Variants in CERS3 observed in about 807,000 individuals in gnomAD.
CERS3 encodes the protein LAG1 homolog, ceramide synthase 3.
Under a neutral mutation model 50.3 loss-of-function variants are expected in CERS3, and 33 were observed. The ratio of observed to expected loss-of-function variants is 0.66; its 90% CI spans 0.50 to 0.88. The LOEUF is 0.88. Ranked by LOEUF, CERS3 falls within the 40% of genes least tolerant of loss-of-function variation. CERS3 has a pLI of 0.00. For synonymous variants in CERS3, 176 were observed against 155.2 expected (o/e 1.13, Z -0.99); for missense variants, 470 against 460.3 (o/e 1.02, Z -0.19).
intron 11 of CERS3, among the ~76,000 whole-genome samples, chr15:100,453,650 A>G (rs2034255238): frequency 6.6e-6 from 1 of 152,224 alleles, no homozygotes; most frequent in African/African-American, 2.4e-5. Context: ...TTAAAGTCAG[A>G]GCAATCAGGC....
chr15:100,406,876 T>G (rs959927218), intron 11 of CERS3, among the ~76,000 whole-genome samples: 17 of 152,182 alleles, frequency 1.1e-4, no homozygotes, highest in Non-Finnish European at 2.1e-4. Context: ...CTGGGAGGCC[T>G]CACAATCATG....
chr15:100,473,975 T>A (rs934031064), intron 8 of CERS3, among the ~76,000 whole-genome samples: 2 of 152,188 alleles, frequency 1.3e-5, no homozygotes, highest in Non-Finnish European at 2.9e-5. Context: ...TACTGATACA[T>A]GCCATAACAT....
intron 2 of CERS3, among the ~76,000 whole-genome samples, chr15:100,502,267 A>AAAAAAAAAAAAAAAAAAAAAG (rs2036033219): frequency 6.4e-5 from 7 of 109,258 alleles, no homozygotes; most frequent in African/African-American, 1.3e-4. Flanking sequence ...AAAAAAAAAA[A>AAAAAAAAAAAAAAAAAAAAAG]AAAGAAAGAA....
chr15:100,435,342 G>A (rs1442304160), intron 11 of CERS3, among the ~76,000 whole-genome samples: 1 of 152,182 alleles, frequency 6.6e-6, no homozygotes, highest in East Asian at 1.9e-4. Flanking sequence ...ACAGATGCCA[G>A]CAGCCAGAAC....
intron 8 of CERS3, among the ~76,000 whole-genome samples, chr15:100,474,751 A>G (rs2035073228): frequency 6.6e-6 from 1 of 152,212 alleles, no homozygotes; most frequent in African/African-American, 2.4e-5. Context: ...CACAACAAAC[A>G]GAGGAGATAG....
At chr15:100,435,576 G>A (rs2033361077) in intron 11 of CERS3, among the ~76,000 whole-genome samples, 2 of 152,188 alleles carry the variant, frequency 1.3e-5, no homozygotes, top group Non-Finnish European at 2.9e-5. Flanking sequence ...AAGACTTCAT[G>A]ACTAAAACAC....
chr15:100,540,055 T>C (rs1434963725), intron 1 of CERS3, among the ~76,000 whole-genome samples: 1 of 152,170 alleles, frequency 6.6e-6, no homozygotes, highest in Non-Finnish European at 1.5e-5. Context: ...TCTAGGATTA[T>C]CTATTTCCTA....
intron 2 of CERS3, among the ~76,000 whole-genome samples, chr15:100,502,267 AAAAG>A (rs1555532593): frequency 0.017 from 1,856 of 109,248 alleles, 36 homozygotes; most frequent in African/African-American, 0.056. Flanking sequence ...AAAAAAAAAA[AAAAG>A]AAAGAAAGAA....
chr15:100,420,700 C>T (rs1420620014), intron 11 of CERS3, among the ~76,000 whole-genome samples: 3 of 151,070 alleles, frequency 2.0e-5, no homozygotes, highest in South Asian at 2.1e-4. Flanking sequence ...ACTGGCAAAA[C>T]GAATCCAGCA....
chr15:100,440,784 G>A (rs888878510), intron 11 of CERS3, among the ~76,000 whole-genome samples: 6 of 152,126 alleles, frequency 3.9e-5, no homozygotes, highest in South Asian at 2.1e-4. Context: ...CTGTCTTCTC[G>A]AACCTCTCTC....
intron 4 of CERS3, among the ~76,000 whole-genome samples, chr15:100,487,800 A>G (rs1484848670): frequency 6.6e-6 from 1 of 152,220 alleles, no homozygotes; most frequent in African/African-American, 2.4e-5. Flanking sequence ...GTTTGAATCT[A>G]TGAATGACTC....
chr15:100,495,767 A>G (rs1286569690), intron 3 of CERS3, among the ~76,000 whole-genome samples: 2 of 152,204 alleles, frequency 1.3e-5, no homozygotes, highest in Non-Finnish European at 2.9e-5. Flanking sequence ...TTTCCTAAAA[A>G]GATAACTAGT....
intron 2 of CERS3, among the ~76,000 whole-genome samples, chr15:100,521,333 A>T (rs933422447): frequency 6.6e-6 from 1 of 152,208 alleles, no homozygotes; most frequent in Non-Finnish European, 1.5e-5. Context: ...TGCCCAGCAC[A>T]GCCAGCTCTT....
rs190405722 is a variant in CERS3, at chr15:100,465,195, G to A, written c.845+4183C>T. Among the ~76,000 whole-genome samples, 562 of 152,014 alleles carry A rather than the reference G, an allele frequency of 3.7e-3. 1 individual carries two copies. The highest frequency in any genetic ancestry group is 7.7e-3 in the South Asian group (37 of 4,806). ...CAGAGCAACTAGATTGCAAACTGCC[G>A]CCCACAGTGCCTCTAAAATGTCTGA... On this transcript the variant is annotated intron_variant, in intron 10 of 11. Coordinates refer to ENST00000679737, the MANE Select transcript of CERS3 (RefSeq NM_001378789.1).
At chr15:100,460,293 C>T (rs186790231) in intron 10 of CERS3, among the ~76,000 whole-genome samples, 31 of 152,280 alleles carry the variant, frequency 2.0e-4, no homozygotes, top group Non-Finnish European at 3.1e-4. Flanking sequence ...AGAGTACCTA[C>T]CTTATTTATT....
chr15:100,440,161 C>T (rs1337828531), intron 11 of CERS3, among the ~76,000 whole-genome samples: 1 of 152,186 alleles, frequency 6.6e-6, no homozygotes, highest in African/African-American at 2.4e-5. Flanking sequence ...TTCCTTCACA[C>T]CAACTACTGC....
At chr15:100,440,627 A>AGGG (rs990340984) in intron 11 of CERS3, among the ~76,000 whole-genome samples, 2 of 151,882 alleles carry the variant, frequency 1.3e-5, no homozygotes, top group Non-Finnish European at 2.9e-5. Context: ...CTGTGACTGG[A>AGGG]GGGGGGGAAC....
At position 100,480,056 on chromosome 15, in the gene CERS3, G is replaced by GAA; in HGVS notation, c.408-12_408-11dup. On this transcript the variant is annotated splice_polypyrimidine_tract_variant and intron_variant, in intron 5 of 11. Coordinates refer to ENST00000679737, the MANE Select transcript of CERS3 (RefSeq NM_001378789.1). ...AAATGCAAATCTCCAGCTGCCAAAA[G>GAA]AAAGAAAAATCTTTACTCCCTTGTA... 1 of 1,605,660 alleles carries GAA rather than the reference G, an allele frequency of 6.2e-7. No individual in the cohort carries two copies. The highest frequency in any genetic ancestry group is 8.5e-7 in the Non-Finnish European group (1 of 1,175,586).
chr15:100,446,654 G>C (rs780353866), intron 11 of CERS3, among the ~76,000 whole-genome samples: 1 of 152,156 alleles, frequency 6.6e-6, no homozygotes. Context: ...TACACGGATA[G>C]TAACACCTAA....
Sources: allele counts gnomAD v4.1 joint callset (sites outside exome capture counted in the v4.1 genomes callset), GRCh38; gene constraint gnomAD v4.1.1; transcripts MANE v1.5; gene names NCBI Gene and HGNC (gene_info 2026-07-23, HGNC 2026-07-21).